Variants in CAPS2 observed in about 807,000 individuals in gnomAD.
CAPS2 encodes calcyphosine 2.
Under a neutral mutation model 86.5 loss-of-function variants are expected in CAPS2, and 98 were observed. That is an observed-to-expected ratio of 1.13 (90% CI 0.96 to 1.34). The LOEUF (loss-of-function observed/expected upper bound fraction) is 1.34. Ranked by LOEUF, CAPS2 falls within the 40% of genes most tolerant of loss-of-function variation. The pLI, the probability that CAPS2 is intolerant of heterozygous loss-of-function variation, is 0.00. For synonymous variants in CAPS2, 210 were observed against 225.1 expected, an observed-to-expected ratio of 0.93 and a Z score of 0.60; for missense variants, 729 against 686.8, an observed-to-expected ratio of 1.06 and a Z score of -0.69.
rs143670083 is a variant in CAPS2, at chr12:75,317,251, T to C, written c.469-817A>G. ...GAACAGGATAACACAAAGTGAGCAC[T>C]CGATAAATATTTATTCAATAAATGA... On this transcript the variant is annotated intron_variant, in intron 5 of 16. Coordinates refer to ENST00000393284, the Ensembl canonical transcript of CAPS2. Among the ~76,000 whole-genome samples, 49 of 152,284 alleles carry C rather than the reference T, an allele frequency of 3.2e-4. No individual in the cohort carries two copies. The East Asian group carries it at 8.7e-3, about 27-fold the overall frequency.
chr12:75,368,732 T>C (rs1170570831), intron 1 of CAPS2, among the ~76,000 whole-genome samples: 1 of 152,062 alleles, frequency 6.6e-6, no homozygotes, highest in Non-Finnish European at 1.5e-5. Context: ...GACATAATTT[T>C]GCCTTTAGTA....
chr12:75,384,045 T>C (rs1007682463), intron 1 of CAPS2, among the ~76,000 whole-genome samples: 5 of 152,092 alleles, frequency 3.3e-5, no homozygotes, highest in East Asian at 1.9e-4. Context: ...ATTTGTAGCA[T>C]TGAATAAATA....
upstream of CAPS2, among the ~76,000 whole-genome samples, chr12:75,329,133 A>G (rs1055456305): frequency 6.6e-6 from 1 of 152,238 alleles, no homozygotes; most frequent in Non-Finnish European, 1.5e-5. Context: ...ATCTCTTTTC[A>G]GTACTACATC....
At chr12:75,373,492 G>A (rs2044484862) in intron 1 of CAPS2, 1 of 152,064 alleles carries the variant, frequency 6.6e-6, no homozygotes, top group African/African-American at 2.4e-5. Flanking sequence ...ACTCGCTACA[G>A]CCCATGAATC....
At chr12:75,317,819 C>T (rs369500550) in intron 5 of CAPS2, among the ~76,000 whole-genome samples, 3 of 151,902 alleles carry the variant, frequency 2.0e-5, no homozygotes, top group Non-Finnish European at 2.9e-5. Context: ...TATTTGTCTG[C>T]GTATATGTGT....
intron 1 of CAPS2, among the ~76,000 whole-genome samples, chr12:75,383,663 A>C (rs1243907596): frequency 6.6e-6 from 1 of 152,200 alleles, no homozygotes; most frequent in African/African-American, 2.4e-5. Flanking sequence ...AGTTAAACTC[A>C]ACAACAACAT....
upstream of CAPS2, chr12:75,334,635 G>A (rs1437093417): frequency 6.5e-7 from 1 of 1,538,186 alleles, no homozygotes; most frequent in Non-Finnish European, 8.7e-7. Context: ...GGAGCCAAGG[G>A]AGAGCGTGGT....
At chr12:75,298,655 A>G in intron 11 of CAPS2, 32 bp downstream of exon 11, 1 of 1,539,218 alleles carries the variant, frequency 6.5e-7, no homozygotes, top group Non-Finnish European at 9.0e-7. Context: ...ACCATCTGGT[A>G]TTAAATGTGT....
chr12:75,298,596 G>T, intron 11 of CAPS2, 91 bp downstream of exon 11: 1 of 903,666 alleles, frequency 1.1e-6, no homozygotes, highest in East Asian at 2.6e-5. Context: ...GAAATAAATT[G>T]AAGACTAGAA....
intron 1 of CAPS2, among the ~76,000 whole-genome samples, chr12:75,352,488 C>A (rs1320362554): frequency 6.6e-6 from 1 of 152,182 alleles, no homozygotes; most frequent in African/African-American, 2.4e-5. Context: ...TACAGGAGCA[C>A]CCAGATTCAT....
chr12:75,368,755 T>C (rs2044162516), intron 1 of CAPS2, among the ~76,000 whole-genome samples: 1 of 152,002 alleles, frequency 6.6e-6, no homozygotes, highest in Non-Finnish European at 1.5e-5. Flanking sequence ...TTGGTTACAG[T>C]GTGTATAAGA....
At chr12:75,321,125 A>G (rs2040258716) in intron 5 of CAPS2, among the ~76,000 whole-genome samples, 1 of 152,082 alleles carries the variant, frequency 6.6e-6, no homozygotes, top group Non-Finnish European at 1.5e-5. Flanking sequence ...ATCCCAAGGT[A>G]CGTGAAAAAC....
intron 1 of CAPS2, chr12:75,371,414 CT>C (rs1254313731): frequency 1.7e-5 from 5 of 298,114 alleles, no homozygotes; most frequent in South Asian, 5.4e-5. Flanking sequence ...GGTGGGTCTG[CT>C]TTTCCCAGTT....
At chr12:75,354,487 C>G (rs1329957426) in intron 1 of CAPS2, among the ~76,000 whole-genome samples, 1 of 151,978 alleles carries the variant, frequency 6.6e-6, no homozygotes, top group Non-Finnish European at 1.5e-5. Flanking sequence ...AGAGAAGGCA[C>G]AAACAAATGA....
At chr12:75,350,569 G>C (rs1045826067) in intron 1 of CAPS2, among the ~76,000 whole-genome samples, 1 of 152,072 alleles carries the variant, frequency 6.6e-6, no homozygotes, top group African/African-American at 2.4e-5. Flanking sequence ...AGGTGAACAG[G>C]GTCTGGAGTA....
At chr12:75,329,865 A>G (rs2041138866), upstream of CAPS2, 2 of 1,542,742 alleles carry the variant, frequency 1.3e-6, no homozygotes, top group Non-Finnish European at 1.8e-6. Context: ...CCCATCCCCT[A>G]CCTAACTGGG....
intron 7 of CAPS2, among the ~76,000 whole-genome samples, chr12:75,310,503 C>A (rs2039031664): frequency 1.3e-5 from 2 of 152,176 alleles, no homozygotes; most frequent in Admixed American, 6.5e-5. Flanking sequence ...AGTCAAATGG[C>A]TAGAGGAGAA....
intron 1 of CAPS2, among the ~76,000 whole-genome samples, chr12:75,361,381 T>C (rs902631067): frequency 2.6e-5 from 4 of 152,314 alleles, no homozygotes; most frequent in Non-Finnish European, 5.9e-5. Flanking sequence ...ATTTAACTTG[T>C]AGCTTGGCTT....
intron 1 of CAPS2, among the ~76,000 whole-genome samples, chr12:75,344,319 T>C (rs1565962682): frequency 6.6e-6 from 1 of 152,118 alleles, no homozygotes; most frequent in Non-Finnish European, 1.5e-5. Context: ...GTCTTTTTTC[T>C]TGGTTTTCTT....
Sources: gnomAD v4.1 joint callset for allele counts (sites outside exome capture counted in the v4.1 genomes callset) on GRCh38, gnomAD v4.1.1 for gene constraint, MANE v1.5 for transcripts, NCBI Gene and HGNC (gene_info 2026-07-23, HGNC 2026-07-21) for gene names.